COG6: variants seen among roughly 807,000 people sequenced by gnomAD.
The protein encoded by COG6 is conserved oligomeric Golgi complex subunit 6.
In COG6, 74 loss-of-function variants were observed where a neutral mutation model predicts 88.8. That is an observed-to-expected ratio of 0.83 (90% CI 0.69 to 1.01). The LOEUF is 1.01. Among genes scored for constraint, COG6 ranks in the 50% least tolerant of loss-of-function variants. The pLI is 0.00. For synonymous variants in COG6, 286 were observed against 278.7 expected (o/e 1.03, Z -0.26); for missense variants, 800 against 797.9 (o/e 1.00, Z -0.03).
intron 18 of COG6, among the ~76,000 whole-genome samples, chr13:39,783,203 A>G (rs1881680575): frequency 6.6e-6 from 1 of 152,188 alleles, no homozygotes; most frequent in Non-Finnish European, 1.5e-5. Context: ...ACAAATAATA[A>G]TTCATTCTCT....
intron 18 of COG6, among the ~76,000 whole-genome samples, chr13:39,784,207 A>C (rs954384358): frequency 1.3e-5 from 2 of 152,150 alleles, no homozygotes; most frequent in African/African-American, 4.8e-5. Flanking sequence ...GAATATACCT[A>C]TTTGTCAGAG....
chr13:39,788,394 G>A, exon 19 of COG6: 15 of 1,549,638 alleles, frequency 9.7e-6, no homozygotes, highest in Non-Finnish European at 1.3e-5. Flanking sequence ...TGCTTCTGGA[G>A]CCATTCCAGT....
chr13:39,700,580 A>G (rs990433428), intron 13 of COG6, among the ~76,000 whole-genome samples: 6 of 151,920 alleles, frequency 3.9e-5, no homozygotes, highest in Non-Finnish European at 7.4e-5. Context: ...TCTTATTTAG[A>G]CAGAACTCTT....
At chr13:39,732,571 A>C (rs999858899) in intron 18 of COG6, among the ~76,000 whole-genome samples, 38 of 152,236 alleles carry the variant, frequency 2.5e-4, no homozygotes, top group Admixed American at 1.3e-4. Flanking sequence ...GGGATTTTAC[A>C]AAATTAGAAT....
intron 18 of COG6, among the ~76,000 whole-genome samples, chr13:39,733,122 A>G (rs1879541954): frequency 6.6e-6 from 1 of 152,104 alleles, no homozygotes; most frequent in African/African-American, 2.4e-5. Context: ...TTTGAAATAA[A>G]CGAAAGTAGA....
intron 18 of COG6, among the ~76,000 whole-genome samples, chr13:39,750,039 T>TCA (rs1880539500): frequency 6.6e-6 from 1 of 152,162 alleles, no homozygotes; most frequent in Middle Eastern, 3.2e-3. Context: ...GCTGAAGTGA[T>TCA]ACAACATTGT....
intron 18 of COG6, among the ~76,000 whole-genome samples, chr13:39,768,986 C>T (rs760570330): frequency 6.6e-6 from 1 of 151,990 alleles, no homozygotes; most frequent in Non-Finnish European, 1.5e-5. Context: ...TAAAATTATT[C>T]TGTAGGTAGC....
At chr13:39,663,759 A>G (rs1875062527) in intron 3 of COG6, among the ~76,000 whole-genome samples, 1 of 152,036 alleles carries the variant, frequency 6.6e-6, no homozygotes, top group Non-Finnish European at 1.5e-5. Context: ...ATGGTGGCAC[A>G]TGCCTATAGT....
chr13:39,783,995 G>C (rs940793203), intron 18 of COG6, among the ~76,000 whole-genome samples: 1 of 152,130 alleles, frequency 6.6e-6, no homozygotes, highest in East Asian at 1.9e-4. Context: ...CATGGATTCT[G>C]GGGGGAGAAA....
At chr13:39,708,433 G>T (rs1413886866) in intron 13 of COG6, among the ~76,000 whole-genome samples, 1 of 151,970 alleles carries the variant, frequency 6.6e-6, no homozygotes, top group Non-Finnish European at 1.5e-5. Flanking sequence ...TTCCTTTTGT[G>T]TCCTGTTTAA....
chr13:39,691,714 G>A (rs570696249), intron 11 of COG6, among the ~76,000 whole-genome samples: 7 of 151,734 alleles, frequency 4.6e-5, no homozygotes, highest in Non-Finnish European at 8.9e-5. Flanking sequence ...AGTATCTTAT[G>A]TTTTCAGTGA....
intron 8 of COG6, among the ~76,000 whole-genome samples, chr13:39,684,028 T>TACCAA (rs1460979409): frequency 6.6e-6 from 1 of 152,148 alleles, no homozygotes; most frequent in Non-Finnish European, 1.5e-5. Flanking sequence ...AGGCACTTAG[T>TACCAA]GTAATGCTTG....
intron 18 of COG6, among the ~76,000 whole-genome samples, chr13:39,763,281 C>T (rs1035581748): frequency 2.0e-5 from 3 of 151,718 alleles, no homozygotes; most frequent in African/African-American, 2.4e-5. Flanking sequence ...TTGGCAAGCA[C>T]ACAATCTATA....
intron 18 of COG6, among the ~76,000 whole-genome samples, chr13:39,748,350 C>T (rs1423154950): frequency 1.3e-5 from 2 of 152,138 alleles, no homozygotes; most frequent in Non-Finnish European, 2.9e-5. Context: ...CACAGTGGCT[C>T]ATGCCTGTAA....
intron 15 of COG6, among the ~76,000 whole-genome samples, chr13:39,722,019 A>G (rs1419699336): frequency 6.6e-6 from 1 of 152,100 alleles, no homozygotes; most frequent in Non-Finnish European, 1.5e-5. Flanking sequence ...TTCTTTAATC[A>G]TCACTTTTCT....
intron 12 of COG6, among the ~76,000 whole-genome samples, chr13:39,695,381 T>C (rs1327419486): frequency 1.3e-5 from 2 of 151,904 alleles, no homozygotes; most frequent in Non-Finnish European, 2.9e-5. Context: ...ACCCGTGAGT[T>C]TTATTATAAC....
intron 17 of COG6, among the ~76,000 whole-genome samples, chr13:39,725,491 A>T (rs943427673): frequency 2.0e-5 from 3 of 151,942 alleles, no homozygotes; most frequent in Non-Finnish European, 4.4e-5. Context: ...AGGCTTTCCT[A>T]TATATTATCT....
At chr13:39,678,785 A>T (rs913074482) in intron 5 of COG6, among the ~76,000 whole-genome samples, 11 of 152,042 alleles carry the variant, frequency 7.2e-5, no homozygotes, top group South Asian at 2.1e-4. Flanking sequence ...GGGTGTAGAG[A>T]GGTAAATAGG....
At chr13:39,712,884 G>A (rs1355508735) in intron 13 of COG6, among the ~76,000 whole-genome samples, 1 of 152,202 alleles carries the variant, frequency 6.6e-6, no homozygotes, top group Non-Finnish European at 1.5e-5. Flanking sequence ...TGTGGCCAAC[G>A]TCAGGTTACA....
Sources: allele counts gnomAD v4.1 joint callset (sites outside exome capture counted in the v4.1 genomes callset), GRCh38; gene constraint gnomAD v4.1.1; transcripts MANE v1.5; gene names NCBI Gene and HGNC (gene_info 2026-07-23, HGNC 2026-07-21).